Variants in SPTAN1 observed in about 807,000 individuals in gnomAD.
SPTAN1 encodes the protein spectrin alpha, non-erythrocytic 1, also known as spectrin alpha chain, non-erythrocytic 1.
SPTAN1 carries 61 observed loss-of-function variants against 331.3 expected under a neutral mutation model. That is an observed-to-expected ratio of 0.18 (90% confidence interval 0.15 to 0.23). The LOEUF (loss-of-function observed/expected upper bound fraction) is 0.23. SPTAN1 is among the 10% of genes least tolerant of loss of function. The pLI, the probability that SPTAN1 is intolerant of heterozygous loss-of-function variation, is 1.00. For missense variants in SPTAN1, 2,043 were observed against 3,147.9 expected (o/e 0.65, Z 8.40); for synonymous variants, 1,153 against 1,173.9 (o/e 0.98, Z 0.36).
intron 29 of SPTAN1, 135 bp from the exon 30 acceptor site, chr9:128,604,899 T>C: frequency 1.0e-6 from 1 of 968,622 alleles, no homozygotes; most frequent in Non-Finnish European, 1.5e-6. Context: ...TGCATTGTGC[T>C]CCAGCCTGGG....
intron 21 of SPTAN1, 24 bp downstream of exon 21, chr9:128,588,967 T>C (rs764384954): frequency 6.2e-7 from 1 of 1,613,242 alleles, no homozygotes; most frequent in South Asian, 1.1e-5. Context: ...AGTGGCTGTG[T>C]GTTTGTTCCA....
intron 40 of SPTAN1, among the ~76,000 whole-genome samples, chr9:128,614,608 A>T (rs1471469630): frequency 6.6e-6 from 1 of 150,676 alleles, no homozygotes; most frequent in African/African-American, 2.4e-5. Context: ...AACAAAAAAA[A>T]AACACAAAAA....
chr9:128,578,203 G>C lies in SPTAN1; in HGVS notation c.1179G>C (p.Val393=). 1.2e-6 allele frequency: 2 copies of C among 1,614,190 alleles called. No individual in the cohort carries two copies. Among genetic ancestry groups the C allele is most frequent in the Non-Finnish European group, 1.7e-6 (2 of 1,180,044 alleles). The change falls in exon 9 of 57, where the codon GTG becomes GTC. Residue 393 remains valine (V), a synonymous_variant. Coordinates refer to ENST00000372739, the MANE Select transcript of SPTAN1 (RefSeq NM_001130438.3). ...LINADELASD[V]AGAEALLDRH... The stretch of plus-strand genomic sequence containing the variant: ...ATGCAGATGAGCTTGCCAGTGATGT[G>C]GCTGGGGCTGAAGCCCTGCTAGATA...
In SPTAN1 at chr9:128,576,904, C is replaced by G. The variant is rs938037532; in HGVS notation, c.733C>G (p.Leu245Val). 1 of 1,614,148 alleles carries G rather than the reference C, an allele frequency of 6.2e-7. No homozygotes were observed. The highest frequency in any genetic ancestry group is 1.3e-5 in the African/African-American group (1 of 75,062). Reference protein sequence around the residue: ...AAWQRLKGLALQRQGKLFGAA... With the variant: ...AAWQRLKGLAVQRQGKLFGAA... The stretch of plus-strand genomic sequence containing the variant: ...CTGGCAGCGGCTGAAGGGCCTGGCT[C>G]TGCAGAGGCAGGGGAAGCTCTTTGG... Residue 245 changes from leucine (L) to valine (V), a missense_variant, in exon 6 of 57, where the codon CTG becomes GTG. This residue lies in a region of SPTAN1 where 1,038 missense variants were observed against 1,531.5 expected (regional missense o/e 0.68). Coordinates refer to ENST00000372739, the MANE Select transcript of SPTAN1 (RefSeq NM_001130438.3).
In SPTAN1 at chr9:128,612,898, C is replaced by T. The variant is rs1014255344; in HGVS notation, c.5044-483C>T. Among the ~76,000 whole-genome samples the T allele has an allele frequency of 3.3e-5, 5 of 151,836 alleles. No homozygotes were observed. In the East Asian group the frequency reaches 5.8e-4, roughly 18 times the overall value. On this transcript the variant is annotated intron_variant, in intron 39 of 56. Transcript: ENST00000372739. ...TGGGATCACACCATTGCACTCCAGC[C>T]TGGGCAACAGAGCGAGACTTCATCT... is the stretch of plus-strand genomic sequence containing the variant.
chr9:128,577,615 A>C lies in SPTAN1; in HGVS notation c.1085+109A>C, dbSNP rs1851454507. On this transcript the variant is annotated intron_variant, in intron 8 of 56. Transcript: ENST00000372739. This position sits in a 1 kb window ranked among gnomAD's most constrained non-coding sequence, Gnocchi z 4.2. ...GTGTTCTGTGAAAGTGTCAGGTATC[A>C]CCTACAAATGCAAATCACTTCTTAC... 1 of 1,450,942 alleles carries C rather than the reference A, an allele frequency of 6.9e-7. No individual in the cohort carries two copies. Among genetic ancestry groups the C allele is most frequent in the East Asian group, 2.3e-5 (1 of 44,124 alleles). 89.9% of individuals were successfully genotyped at this position (1,450,942 alleles called of 1,614,324 possible).
intron 21 of SPTAN1, among the ~76,000 whole-genome samples, chr9:128,590,349 C>T (rs924343927): frequency 7.9e-5 from 12 of 152,082 alleles, no homozygotes; most frequent in African/African-American, 9.7e-5. Flanking sequence ...CTACTAGCTA[C>T]GTGTGATAGT....
At chr9:128,582,038 C>T (rs1852009295) in intron 12 of SPTAN1, 146 bp downstream of exon 12, 1 of 705,186 alleles carries the variant, frequency 1.4e-6, no homozygotes, top group Non-Finnish European at 2.5e-6. Flanking sequence ...GGATGACATG[C>T]TATCTCGTTG....
intron 52 of SPTAN1, chr9:128,631,358 C>G (rs1859694888): frequency 6.6e-6 from 1 of 152,172 alleles, no homozygotes; most frequent in Non-Finnish European, 1.5e-5. Context: ...ACTCAGGAGG[C>G]TGAGGCAGGA....
chr9:128,562,788 C>T (rs184535963), intron 1 of SPTAN1, among the ~76,000 whole-genome samples: 5 of 151,690 alleles, frequency 3.3e-5, no homozygotes, highest in Middle Eastern at 3.4e-3. Flanking sequence ...CACGGTGAAA[C>T]GCCATCTCTA....
At chr9:128,614,849 C>T (rs1450213782) in intron 40 of SPTAN1, among the ~76,000 whole-genome samples, 1 of 152,094 alleles carries the variant, frequency 6.6e-6, no homozygotes, top group African/African-American at 2.4e-5. Flanking sequence ...ATATTAAAAC[C>T]CACTGGTCCA....
At position 128,577,024 on chromosome 9, in the gene SPTAN1, TG is replaced by T. The variant is rs1851384557; in HGVS notation, c.785+69del. 1 of 1,613,950 alleles carries T rather than the reference TG, an allele frequency of 6.2e-7. No homozygotes were observed. The highest frequency in any genetic ancestry group is 1.6e-4 in the Middle Eastern group (1 of 6,062). On this transcript the variant is annotated intron_variant, in intron 6 of 56. Coordinates refer to ENST00000372739, the MANE Select transcript of SPTAN1 (RefSeq NM_001130438.3). This position sits in a 1 kb window ranked among gnomAD's most constrained non-coding sequence, Gnocchi z 4.2. Reference sequence around the variant, plus strand: ...GAGGGGAGTTGTGAAGCACAGGGCATGTGCTGGTGAGCTGTCGAGGCTGACT... The same window carrying T: ...GAGGGGAGTTGTGAAGCACAGGGCATTGCTGGTGAGCTGTCGAGGCTGACT...
chr9:128,600,000 A>T, intron 26 of SPTAN1, 80 bp from the exon 27 acceptor site: 1 of 1,438,502 alleles, frequency 7.0e-7, no homozygotes, highest in Non-Finnish European at 9.8e-7. Context: ...GGGGGAAACT[A>T]GAGTCATTCG....
chr9:128,600,058 A>G (rs1854896420), intron 26 of SPTAN1, 22 bp from the exon 27 acceptor site: 1 of 1,614,040 alleles, frequency 6.2e-7, no homozygotes, highest in South Asian at 1.1e-5. Context: ...TTGGCTGCCT[A>G]AATTCCTCTT....
chr9:128,592,678 G>A (rs1483328706), intron 22 of SPTAN1, among the ~76,000 whole-genome samples: 1 of 152,198 alleles, frequency 6.6e-6, no homozygotes, highest in East Asian at 1.9e-4. Context: ...CTTTCTAAGG[G>A]TAGTCCAGTC....
At chr9:128,621,482 A>G (rs1357401029) in intron 45 of SPTAN1, among the ~76,000 whole-genome samples, 2 of 152,244 alleles carry the variant, frequency 1.3e-5, no homozygotes, top group Admixed American at 6.5e-5. Flanking sequence ...ATTAAGCAAC[A>G]GAGACACTGG....
At chr9:128,570,696 G>C (rs891135002) in intron 3 of SPTAN1, among the ~76,000 whole-genome samples, 1 of 150,716 alleles carries the variant, frequency 6.6e-6, no homozygotes, top group Non-Finnish European at 1.5e-5. Flanking sequence ...TGCTCTTGTT[G>C]CCCCGGCTGG....
intron 46 of SPTAN1, 36 bp downstream of exon 46, chr9:128,624,523 C>T: frequency 6.2e-7 from 1 of 1,609,136 alleles, no homozygotes; most frequent in Non-Finnish European, 8.5e-7. Flanking sequence ...AGAGCCTTCC[C>T]AGAGCTGCTC....
In SPTAN1 at chr9:128,627,571, C is replaced by A; in HGVS notation, c.6689+73C>A. 7.3e-7 allele frequency: 1 copy of A among 1,371,180 alleles called. No homozygotes were observed. Among genetic ancestry groups the A allele is most frequent in the Non-Finnish European group, 1.0e-6 (1 of 983,238 alleles). The allele number at this position is 1,371,180 out of a possible 1,614,324, so 84.9% of individuals were successfully genotyped here. A position where few individuals can be genotyped will look rare whatever the true frequency, so the allele number is the denominator to read the frequency against. ...TTAAGCCCTGGGGAGCTTCCAGCCC[C>A]AAGGAGGTGGTGGTGCTTTGTGTAA... On this transcript the variant is annotated intron_variant, in intron 50 of 56. Coordinates refer to ENST00000372739, the MANE Select transcript of SPTAN1 (RefSeq NM_001130438.3). The surrounding 1 kb of genome is among the most constrained non-coding windows in gnomAD (Gnocchi z 4.9).
Sources: allele counts gnomAD v4.1 joint callset (sites outside exome capture counted in the v4.1 genomes callset), GRCh38; gene constraint gnomAD v4.1.1; regional missense constraint gnomAD v4.1.1; non-coding constraint Gnocchi (gnomAD v3.1); transcripts MANE v1.5; gene names NCBI Gene and HGNC (gene_info 2026-07-23, HGNC 2026-07-21).